MMADHC: variants seen among roughly 807,000 people sequenced by gnomAD.
MMADHC encodes the protein metabolism of cobalamin associated D, also known as cobalamin trafficking protein CblD.
In MMADHC, 23 loss-of-function variants were observed where a neutral mutation model predicts 36.3. The observed-to-expected ratio is 0.63, with a 90% CI of 0.46 to 0.90. MMADHC has a LOEUF of 0.90. Among genes scored for constraint, MMADHC ranks in the 40% least tolerant of loss-of-function variants. The pLI is 0.00. For synonymous variants in MMADHC, 97 were observed against 116.1 expected (o/e 0.84, Z 1.06); for missense variants, 330 against 348.0 (o/e 0.95, Z 0.41).
chr2:149,577,975 A>G (rs1476882868), intron 4 of MMADHC, among the ~76,000 whole-genome samples: 3 of 152,168 alleles, frequency 2.0e-5, no homozygotes, highest in Non-Finnish European at 4.4e-5. Flanking sequence ...CCAAGATCGC[A>G]CCACTGCACT....
chr2:149,571,723 T>C (rs949101049), intron 6 of MMADHC, among the ~76,000 whole-genome samples: 2 of 147,586 alleles, frequency 1.4e-5, no homozygotes, highest in African/African-American at 2.5e-5. Flanking sequence ...GAGCTTGCAG[T>C]GAGCCGAGAT....
chr2:149,575,983 T>A, intron 5 of MMADHC, 142 bp from the exon 6 acceptor site: 1 of 682,590 alleles, frequency 1.5e-6, no homozygotes, highest in South Asian at 2.1e-5. Context: ...TATAAATGTA[T>A]GTTATTTTTG....
chr2:149,587,118 C>G lies in MMADHC; in HGVS notation c.-21G>C. ...GCCATCTCCGCTGGAGAAGATAGTT[C>G]GCAAAATAGCTTTCCTTTGGTAAAG... is the stretch of plus-strand genomic sequence containing the variant. On this transcript the variant is annotated 5_prime_UTR_variant, in exon 2 of 8. Transcript: ENST00000303319. The G allele has an allele frequency of 1.2e-6, 2 of 1,612,878 alleles. No homozygotes were observed. The highest frequency in any genetic ancestry group is 1.7e-6 in the Non-Finnish European group (2 of 1,178,874).
At chr2:149,583,536 G>A (rs1488441689) in intron 2 of MMADHC, among the ~76,000 whole-genome samples, 1 of 152,098 alleles carries the variant, frequency 6.6e-6, no homozygotes, top group Admixed American at 6.6e-5. Flanking sequence ...AAGAGTCAGA[G>A]CAAACTGACA....
chr2:149,570,172 A>G lies in MMADHC; in HGVS notation c.697-4T>C, dbSNP rs200308671. The G allele has an allele frequency of 1.9e-6, 3 of 1,611,206 alleles. No homozygotes were observed. Among genetic ancestry groups the G allele is most frequent in the African/African-American group, 1.3e-5 (1 of 74,922 alleles). On this transcript the variant is annotated splice_polypyrimidine_tract_variant and splice_region_variant and intron_variant, in intron 7 of 7. Transcript: ENST00000303319. ...TGTTTGTATATGGTCCAAAAAACTG[A>G]GGAAATAAAAACGAAATATTCTCAT...
At chr2:149,570,968 G>T in intron 7 of MMADHC, 117 bp downstream of exon 7, 1 of 824,150 alleles carries the variant, frequency 1.2e-6, no homozygotes, top group Non-Finnish European at 2.0e-6. Context: ...GTATTTCTTT[G>T]GGTAAAATTG....
rs368632352 is a variant in MMADHC, at chr2:149,575,694, G to A, written c.609+17C>T. 1 of 1,569,080 alleles carries A rather than the reference G, an allele frequency of 6.4e-7. No individual in the cohort carries two copies. The highest frequency in any genetic ancestry group is 8.7e-7 in the Non-Finnish European group (1 of 1,151,830). On this transcript the variant is annotated intron_variant, in intron 6 of 7. Coordinates refer to ENST00000303319, the MANE Select transcript of MMADHC (RefSeq NM_015702.3). ...TAATGACCATAAAATTAAATTATTA[G>A]CAATTGAAAGAATTACCTTTTCTAA...
chr2:149,583,903 G>C (rs1443478799), intron 2 of MMADHC, among the ~76,000 whole-genome samples: 1 of 151,964 alleles, frequency 6.6e-6, no homozygotes, highest in African/African-American at 2.4e-5. Context: ...GAATTCTTCT[G>C]CTAAAAGATA....
At chr2:149,572,372 C>G (rs1390249084) in intron 6 of MMADHC, 2 of 295,678 alleles carry the variant, frequency 6.8e-6, no homozygotes, top group African/African-American at 4.7e-5. Flanking sequence ...CCACTTCTGG[C>G]CATAACAGAG....
At chr2:149,585,202 CAG>C (rs1392553140) in intron 2 of MMADHC, among the ~76,000 whole-genome samples, 2 of 152,096 alleles carry the variant, frequency 1.3e-5, no homozygotes, top group African/African-American at 4.8e-5. Flanking sequence ...AAAATTACAG[CAG>C]AGAGTTCATT....
rs769956575 is a variant in MMADHC at position 149,579,520 on chromosome 2, C to G, written c.283G>C (p.Val95Leu). The G allele has an allele frequency of 6.2e-7, 1 of 1,613,482 alleles. No individual in the cohort carries two copies. The highest frequency in any genetic ancestry group is 8.5e-7 in the Non-Finnish European group (1 of 1,179,964). ...AGAACATCAGGCAAAGTTTTATGAACCAGGCTTTTCTTCTGTGAAGCAGTC... is the reference window on the plus strand; with the variant it reads ...AGAACATCAGGCAAAGTTTTATGAAGCAGGCTTTTCTTCTGTGAAGCAGTC... ...NGTASQKKSL[V>L]HKTLPDVLAE... The change falls in exon 4 of 8, where the codon GTT (valine) becomes CTT (leucine). Residue 95 changes from valine (V) to leucine (L), a missense_variant. Physicochemically the swap from Val to Leu is conservative, Grantham distance 32. Coordinates refer to ENST00000303319, the MANE Select transcript of MMADHC (RefSeq NM_015702.3).
intron 3 of MMADHC, 129 bp from the exon 4 acceptor site, chr2:149,579,777 G>A: frequency 3.6e-6 from 3 of 830,898 alleles, no homozygotes; most frequent in Non-Finnish European, 5.7e-6. Context: ...TTTCCCATGT[G>A]AATATAAATA....
intron 3 of MMADHC, among the ~76,000 whole-genome samples, chr2:149,580,160 T>C (rs562115426): frequency 2.0e-5 from 3 of 152,250 alleles, no homozygotes; most frequent in African/African-American, 4.8e-5. Flanking sequence ...TGCACACCAC[T>C]ATGCCCAGCT....
At chr2:149,572,048 C>T (rs1682648544) in intron 6 of MMADHC, among the ~76,000 whole-genome samples, 2 of 151,946 alleles carry the variant, frequency 1.3e-5, no homozygotes, top group African/African-American at 4.8e-5. Context: ...GTATAGTGTA[C>T]AATTACTACT....
intron 5 of MMADHC, 53 bp downstream of exon 5, chr2:149,576,384 C>A: frequency 8.4e-7 from 1 of 1,194,324 alleles, no homozygotes; most frequent in South Asian, 1.2e-5. Flanking sequence ...GTACATTATT[C>A]AACATATTAA....
intron 6 of MMADHC, among the ~76,000 whole-genome samples, chr2:149,571,597 G>A (rs188538918): frequency 6.9e-4 from 105 of 152,086 alleles, no homozygotes; most frequent in Non-Finnish European, 1.2e-3. Flanking sequence ...TGGCTAACAC[G>A]GTGAAACTCC....
chr2:149,572,824 C>A (rs1047980851), intron 6 of MMADHC, among the ~76,000 whole-genome samples: 4 of 152,086 alleles, frequency 2.6e-5, no homozygotes, highest in African/African-American at 9.7e-5. Context: ...GGATTTCCAA[C>A]CCACCCAGAA....
chr2:149,571,103 G>A lies in MMADHC; in HGVS notation c.678C>T (p.Asp226=), dbSNP rs755441802. 1.2e-6 allele frequency: 2 copies of A among 1,611,924 alleles called. No individual in the cohort carries two copies. The highest frequency in any genetic ancestry group is 1.7e-6 in the Non-Finnish European group (2 of 1,178,312). Residue 226 remains aspartate (D), a synonymous_variant, in exon 7 of 8, where the codon GAC becomes GAT. Transcript: ENST00000303319. ...TACTCACTGCCAAACCAGATGATGG[G>A]TCAATAAAGTCAGCCCAATAACCCT... ...RAEGYWADFI[D]PSSGLAFFGP...
At chr2:149,581,997 G>A in intron 3 of MMADHC, 130 bp downstream of exon 3, 1 of 961,648 alleles carries the variant, frequency 1.0e-6, no homozygotes, top group South Asian at 1.5e-5. Context: ...GCAGAGCTGT[G>A]ATTCATTTTC....
Sources: gnomAD v4.1 joint callset for allele counts (sites outside exome capture counted in the v4.1 genomes callset) on GRCh38, gnomAD v4.1.1 for gene constraint, MANE v1.5 for transcripts, NCBI Gene and HGNC (gene_info 2026-07-23, HGNC 2026-07-21) for gene names.